Variants in CNTLN observed in about 807,000 individuals in gnomAD.
CNTLN encodes centlein, centrosomal protein.
CNTLN carries 212 observed loss-of-function variants against 180.0 expected under a neutral mutation model. That is an observed-to-expected ratio of 1.18 (90% CI 1.05 to 1.32). The LOEUF is 1.32. CNTLN is among the 40% of genes most tolerant of loss of function. The probability of loss-of-function intolerance (pLI) is 0.00; values close to 1 mark genes in which losing one functional copy is unlikely to be tolerated. For synonymous variants in CNTLN, 722 were observed against 563.1 expected (o/e 1.28, Z -3.99); for missense variants, 2,095 against 1,610.9 (o/e 1.30, Z -5.14).
At chr9:17,178,429 G>A (rs1820875640) in intron 2 of CNTLN, among the ~76,000 whole-genome samples, 1 of 152,208 alleles carries the variant, frequency 6.6e-6, no homozygotes. Flanking sequence ...CAGCCCTTGG[G>A]CGGTAGATGG....
intron 5 of CNTLN, among the ~76,000 whole-genome samples, chr9:17,251,616 A>G (rs1000234416): frequency 1.5e-4 from 23 of 151,666 alleles, no homozygotes; most frequent in African/African-American, 5.6e-4. Context: ...TTTCATTGAT[A>G]TGTAATAATC....
chr9:17,192,516 C>T (rs1016793923), intron 2 of CNTLN, among the ~76,000 whole-genome samples: 4 of 149,986 alleles, frequency 2.7e-5, no homozygotes, highest in African/African-American at 4.9e-5. Context: ...GGATTACAGG[C>T]GTGAGCCACC....
rs1166984734 is a variant in CNTLN, at chr9:17,273,723, C to G, written c.850-10C>G. On this transcript the variant is annotated splice_polypyrimidine_tract_variant and intron_variant, in intron 5 of 25. Transcript: ENST00000380647. ...ATGTTTGATTATTGATATAAGCACT[C>G]TAATTTTAGACCTTTGAAGACAATT... 1.4e-6 allele frequency: 2 copies of G among 1,444,802 alleles called. No individual in the cohort carries two copies. Among genetic ancestry groups the G allele is most frequent in the Non-Finnish European group, 9.3e-7 (1 of 1,074,554 alleles). The allele number at this position is 1,444,802 out of a possible 1,614,324, so 89.5% of individuals were successfully genotyped here.
chr9:17,472,000 A>C, intron 23 of CNTLN, among the ~76,000 whole-genome samples: 1 of 152,258 alleles, frequency 6.6e-6, no homozygotes, highest in Middle Eastern at 3.4e-3. Context: ...AGCACAGTGA[A>C]GGCTCTACTA....
rs1424136651 is a variant in CNTLN, at chr9:17,502,777, A to G, written c.*125A>G. 4.8e-6 allele frequency: 2 copies of G among 420,116 alleles called. No homozygotes were observed. The highest frequency in any genetic ancestry group is 8.7e-6 in the Non-Finnish European group (2 of 230,136). The allele number at this position is 420,116 out of a possible 1,614,324, so 26.0% of individuals were successfully genotyped here. A position where few individuals can be genotyped will look rare whatever the true frequency, so the allele number is the denominator to read the frequency against. The stretch of plus-strand genomic sequence containing the variant: ...CAATAGTCAGGTTCAATACCAAAAT[A>G]AGAAGTCTCTGAAAATAATTAATTG... On this transcript the variant is annotated 3_prime_UTR_variant, in exon 26 of 26. Coordinates refer to ENST00000380647, the MANE Select transcript of CNTLN (RefSeq NM_017738.4).
At chr9:17,337,379 T>C (rs1821124391) in intron 10 of CNTLN, among the ~76,000 whole-genome samples, 1 of 152,228 alleles carries the variant, frequency 6.6e-6, no homozygotes, top group South Asian at 2.1e-4. Flanking sequence ...CATAAAGTCT[T>C]CGCCCATGCC....
intron 18 of CNTLN, among the ~76,000 whole-genome samples, chr9:17,451,537 A>T (rs1830775508): frequency 6.6e-6 from 1 of 152,204 alleles, no homozygotes; most frequent in African/African-American, 2.4e-5. Flanking sequence ...GTCTTTCAAA[A>T]TGAGAAAGAA....
chr9:17,337,828 C>G (rs1821154714), intron 10 of CNTLN, among the ~76,000 whole-genome samples: 1 of 152,060 alleles, frequency 6.6e-6, no homozygotes, highest in African/African-American at 2.4e-5. Context: ...ATTTGTACAT[C>G]CTATTCTATT....
intron 2 of CNTLN, among the ~76,000 whole-genome samples, chr9:17,175,949 C>G (rs1021417582): frequency 6.6e-6 from 1 of 151,962 alleles, no homozygotes; most frequent in African/African-American, 2.4e-5. Context: ...TTTCCGTGTG[C>G]ACTTATTATT....
chr9:17,206,669 T>G (rs886499782), intron 2 of CNTLN, among the ~76,000 whole-genome samples: 49 of 152,342 alleles, frequency 3.2e-4, no homozygotes, highest in Non-Finnish European at 1.2e-4. Context: ...GAGGTAAAGT[T>G]AAATATTAAA....
chr9:17,311,031 C>CT (rs766369341), intron 8 of CNTLN, among the ~76,000 whole-genome samples: 12 of 149,098 alleles, frequency 8.0e-5, no homozygotes, highest in Non-Finnish European at 1.0e-4. Context: ...TAAATTACTT[C>CT]TTTTTTTTTT....
At chr9:17,441,760 A>C (rs1830122989) in intron 18 of CNTLN, among the ~76,000 whole-genome samples, 1 of 152,106 alleles carries the variant, frequency 6.6e-6, no homozygotes, top group South Asian at 2.1e-4. Context: ...AGAGTTGCCG[A>C]ATGGATTAAA....
intron 18 of CNTLN, among the ~76,000 whole-genome samples, chr9:17,446,787 A>G (rs944793540): frequency 6.6e-6 from 1 of 152,184 alleles, no homozygotes; most frequent in Non-Finnish European, 1.5e-5. Context: ...GAGCAATAAA[A>G]TACCATAAAA....
chr9:17,318,868 C>G (rs866691207), intron 8 of CNTLN, among the ~76,000 whole-genome samples: 1 of 74,128 alleles, frequency 1.3e-5, no homozygotes, highest in Non-Finnish European at 3.1e-5. Context: ...ATCCATCCAT[C>G]CATCCATCCA....
chr9:17,342,204 A>G (rs1821535248), intron 11 of CNTLN, 121 bp from the exon 12 acceptor site: 3 of 955,620 alleles, frequency 3.1e-6, no homozygotes, highest in Admixed American at 2.6e-5. Context: ...CATTCAATAA[A>G]TGGTGAACTC....
chr9:17,309,827 A>G (rs1344169532), intron 8 of CNTLN, among the ~76,000 whole-genome samples: 1 of 152,068 alleles, frequency 6.6e-6, no homozygotes, highest in Non-Finnish European at 1.5e-5. Context: ...CTTCAGGGCA[A>G]CTTTCAACTC....
At chr9:17,392,745 T>C (rs1344798258) in intron 14 of CNTLN, among the ~76,000 whole-genome samples, 2 of 151,962 alleles carry the variant, frequency 1.3e-5, no homozygotes, top group Non-Finnish European at 2.9e-5. Flanking sequence ...TGCCCCAGGA[T>C]AGTGTAGTCA....
chr9:17,359,166 A>C (rs767772059), intron 12 of CNTLN, among the ~76,000 whole-genome samples: 1 of 152,012 alleles, frequency 6.6e-6, no homozygotes, highest in South Asian at 2.1e-4. Context: ...CTACAGGCGC[A>C]TGCCACCATG....
chr9:17,152,377 G>T (rs112414732), intron 2 of CNTLN, among the ~76,000 whole-genome samples: 3,270 of 152,076 alleles, frequency 0.022, 81 homozygotes, highest in African/African-American at 0.059. Flanking sequence ...TCTCATTGGT[G>T]TCAAAGAATA....
Sources: gnomAD v4.1 joint callset for allele counts (sites outside exome capture counted in the v4.1 genomes callset) on GRCh38, gnomAD v4.1.1 for gene constraint, MANE v1.5 for transcripts, NCBI Gene and HGNC (gene_info 2026-07-23, HGNC 2026-07-21) for gene names.